The following ROBO1 variants were observed in gnomAD, a reference collection of about 807,000 sequenced individuals.
The protein encoded by ROBO1 is roundabout homolog 1.
ROBO1 carries 149 observed loss-of-function variants against 195.9 expected under a neutral mutation model. The observed-to-expected ratio is 0.76, with a 90% confidence interval of 0.67 to 0.87. The LOEUF (loss-of-function observed/expected upper bound fraction) is 0.87, where lower values mean the gene tolerates loss of function less well. Among genes scored for constraint, ROBO1 ranks in the 40% least tolerant of loss-of-function variants. The pLI, the probability that ROBO1 is intolerant of heterozygous loss-of-function variation, is 0.00. For synonymous variants in ROBO1, 816 were observed against 733.2 expected, an observed-to-expected ratio of 1.11 and a Z score of -1.82; for missense variants, 1,933 against 2,068.3, an observed-to-expected ratio of 0.93 and a Z score of 1.27.
intron 4 of ROBO1, among the ~76,000 whole-genome samples, chr3:78,864,196 C>T (rs1439755268): frequency 3.9e-5 from 6 of 152,192 alleles, no homozygotes; most frequent in Non-Finnish European, 8.8e-5. Context: ...GGCTTCATGG[C>T]TTATAAGGGA....
At chr3:79,510,067 A>G (rs1038010482) in intron 2 of ROBO1, among the ~76,000 whole-genome samples, 4 of 152,130 alleles carry the variant, frequency 2.6e-5, no homozygotes, top group African/African-American at 9.7e-5. Flanking sequence ...CTTACAAAGA[A>G]TATGTAATAC....
At chr3:79,215,232 A>G (rs1455445700) in intron 2 of ROBO1, among the ~76,000 whole-genome samples, 3 of 152,096 alleles carry the variant, frequency 2.0e-5, no homozygotes, top group Non-Finnish European at 2.9e-5. Flanking sequence ...AATAAGTCTC[A>G]GTGTTAAATC....
chr3:78,725,044 G>A (rs564449837), intron 5 of ROBO1, among the ~76,000 whole-genome samples: 37 of 152,280 alleles, frequency 2.4e-4, no homozygotes, highest in African/African-American at 8.9e-4. Context: ...TAGTGGAGAA[G>A]CAGAACATGT....
intron 1 of ROBO1, among the ~76,000 whole-genome samples, chr3:79,695,033 GA>G (rs1268930031): frequency 1.3e-5 from 2 of 151,248 alleles, no homozygotes; most frequent in Non-Finnish European, 3.0e-5. Context: ...ACCAAAAGAA[GA>G]AAAATACAGT....
At chr3:78,676,719 G>A (rs1163592348) in intron 10 of ROBO1, among the ~76,000 whole-genome samples, 15 of 152,278 alleles carry the variant, frequency 9.9e-5, no homozygotes, top group Admixed American at 6.5e-4. Context: ...TGAAAGTGAC[G>A]GGGAGAATGG....
At chr3:79,279,845 G>A (rs982478719) in intron 2 of ROBO1, among the ~76,000 whole-genome samples, 1 of 151,492 alleles carries the variant, frequency 6.6e-6, no homozygotes, top group Non-Finnish European at 1.5e-5. Flanking sequence ...TGTTGTAGGT[G>A]TCCAACAAAT....
rs139403223 is a variant in ROBO1, at chr3:79,446,132, T to C, written c.88+143692A>G. ...TTTTCTCTCTTAATACTTTTGCTTT[T>C]CCCCTATTACAACAAGGATATAAAT... is the stretch of plus-strand genomic sequence containing the variant. On this transcript the variant is annotated intron_variant, in intron 2 of 30. Coordinates refer to ENST00000464233, the MANE Select transcript of ROBO1 (RefSeq NM_002941.4). Among the ~76,000 whole-genome samples, 571 of 152,318 alleles carry C rather than the reference T, an allele frequency of 3.7e-3. 2 individuals carry two copies. Among genetic ancestry groups the C allele is most frequent in the African/African-American group, 0.013 (548 of 41,570 alleles).
chr3:78,900,991 C>T (rs527720590), intron 4 of ROBO1, among the ~76,000 whole-genome samples: 2 of 152,162 alleles, frequency 1.3e-5, no homozygotes, highest in East Asian at 3.9e-4. Context: ...CACCAAGACA[C>T]GAACAGCCTC....
chr3:79,182,542 G>GGTGTGTGTGTGTGTGTGTGTGT (rs71127377), intron 2 of ROBO1, among the ~76,000 whole-genome samples: 1 of 148,446 alleles, frequency 6.7e-6, no homozygotes, highest in African/African-American at 2.5e-5. Flanking sequence ...CTGGGGCACA[G>GGTGTGTGTGTGTGTGTGTGTGT]GTGTGTGTGT....
intron 2 of ROBO1, among the ~76,000 whole-genome samples, chr3:79,226,529 A>G (rs753093005): frequency 1.4e-5 from 2 of 144,372 alleles, no homozygotes; most frequent in South Asian, 2.2e-4. Context: ...CTTTCATTTC[A>G]TTTTTCTTTC....
intron 22 of ROBO1, among the ~76,000 whole-genome samples, chr3:78,637,015 T>A (rs970460746): frequency 5.7e-5 from 8 of 139,606 alleles, no homozygotes; most frequent in African/African-American, 2.1e-4. Flanking sequence ...AGAACTGAAA[T>A]CATATTTTTA....
At chr3:79,315,988 C>T (rs1404968230) in intron 2 of ROBO1, among the ~76,000 whole-genome samples, 2 of 152,064 alleles carry the variant, frequency 1.3e-5, no homozygotes, top group African/African-American at 4.8e-5. Flanking sequence ...AAAAGCTTGC[C>T]CTTGAAATCC....
At chr3:79,056,426 T>C (rs2078810192) in intron 3 of ROBO1, among the ~76,000 whole-genome samples, 1 of 152,104 alleles carries the variant, frequency 6.6e-6, no homozygotes, top group Non-Finnish European at 1.5e-5. Context: ...GAGGCTGGAT[T>C]ACACATCGCT....
intron 2 of ROBO1, among the ~76,000 whole-genome samples, chr3:79,214,731 G>A (rs1038240966): frequency 1.4e-5 from 2 of 144,292 alleles, no homozygotes; most frequent in Non-Finnish European, 3.0e-5. Flanking sequence ...ATATATATTT[G>A]CTATATATAT....
intron 2 of ROBO1, among the ~76,000 whole-genome samples, chr3:79,181,135 G>A (rs1459481061): frequency 6.6e-6 from 1 of 151,984 alleles, no homozygotes; most frequent in Non-Finnish European, 1.5e-5. Flanking sequence ...ATATAAATAT[G>A]TTTAGCATCT....
At chr3:79,052,567 G>T (rs1019660077) in intron 3 of ROBO1, among the ~76,000 whole-genome samples, 1 of 151,990 alleles carries the variant, frequency 6.6e-6, no homozygotes, top group Non-Finnish European at 1.5e-5. Flanking sequence ...ATAGAAACTT[G>T]CTGGTTTTGC....
intron 2 of ROBO1, among the ~76,000 whole-genome samples, chr3:79,160,699 A>T (rs1434586598): frequency 6.6e-6 from 1 of 152,096 alleles, no homozygotes; most frequent in Non-Finnish European, 1.5e-5. Flanking sequence ...TTTTATTTAG[A>T]AACCTCATGT....
At chr3:79,221,840 AT>A (rs2082144581) in intron 2 of ROBO1, among the ~76,000 whole-genome samples, 1 of 152,138 alleles carries the variant, frequency 6.6e-6, no homozygotes, top group Non-Finnish European at 1.5e-5. Context: ...ATTAATATAT[AT>A]TTGCTGCAGA....
chr3:79,418,077 T>C lies in ROBO1; in HGVS notation c.88+171747A>G, dbSNP rs148323634. Among the ~76,000 whole-genome samples, 547 of 152,272 alleles carry C rather than the reference T, an allele frequency of 3.6e-3. 2 individuals are homozygous for C. Among genetic ancestry groups the C allele is most frequent in the African/African-American group, 0.013 (522 of 41,574 alleles). ...GCAATATACAAGTGATTCATTGATA[T>C]GATATTCACCTAGAATGAACATCAG... On this transcript the variant is annotated intron_variant, in intron 2 of 30. Transcript: ENST00000464233.
Sources: gnomAD v4.1 joint callset for allele counts (sites outside exome capture counted in the v4.1 genomes callset) on GRCh38, gnomAD v4.1.1 for gene constraint, MANE v1.5 for transcripts, NCBI Gene and HGNC (gene_info 2026-07-23, HGNC 2026-07-21) for gene names.